The following SPIDR variants were observed in gnomAD, a reference collection of about 807,000 sequenced individuals.
SPIDR encodes DNA repair-scaffolding protein.
SPIDR carries 93 observed loss-of-function variants against 104.6 expected under a neutral mutation model. The observed-to-expected ratio is 0.89, with a 90% CI of 0.75 to 1.06. The LOEUF (loss-of-function observed/expected upper bound fraction) is 1.06, where lower values mean the gene tolerates loss of function less well. SPIDR is among the 50% of genes least tolerant of loss of function. SPIDR has a pLI of 0.00. For missense variants in SPIDR, 1,154 were observed against 1,111.2 expected (o/e 1.04, Z -0.55); for synonymous variants, 431 against 416.9 (o/e 1.03, Z -0.41).
chr8:47,429,368 C>T (rs782792075), intron 7 of SPIDR, among the ~76,000 whole-genome samples: 4 of 152,296 alleles, frequency 2.6e-5, no homozygotes, highest in Non-Finnish European at 5.9e-5. Flanking sequence ...GGCCCCCCAC[C>T]TCCGTGTGCA....
At chr8:47,385,564 C>G (rs2059794247) in intron 5 of SPIDR, among the ~76,000 whole-genome samples, 1 of 152,220 alleles carries the variant, frequency 6.6e-6, no homozygotes, top group African/African-American at 2.4e-5. Context: ...TCTCCCAGCA[C>G]AGTCACAGGA....
intron 10 of SPIDR, among the ~76,000 whole-genome samples, chr8:47,621,779 G>C (rs1291700061): frequency 6.6e-6 from 1 of 152,198 alleles, no homozygotes; most frequent in African/African-American, 2.4e-5. Flanking sequence ...TTCAATACCA[G>C]TCTGGCCAAC....
At chr8:47,661,684 C>T (rs1451127732) in intron 10 of SPIDR, among the ~76,000 whole-genome samples, 1 of 152,332 alleles carries the variant, frequency 6.6e-6, no homozygotes, top group Non-Finnish European at 1.5e-5. Flanking sequence ...AGCGTCTGCT[C>T]CTCAACTTGG....
At chr8:47,430,992 A>G (rs1554688824) in intron 7 of SPIDR, among the ~76,000 whole-genome samples, 2 of 152,180 alleles carry the variant, frequency 1.3e-5, no homozygotes, top group Admixed American at 6.5e-5. Context: ...GCGGTCCTGT[A>G]TGTATCGCAT....
At chr8:47,321,347 G>T (rs2046536404) in intron 5 of SPIDR, among the ~76,000 whole-genome samples, 1 of 152,136 alleles carries the variant, frequency 6.6e-6, no homozygotes, top group Non-Finnish European at 1.5e-5. Flanking sequence ...ATTCACAATT[G>T]CTTCAAAGAG....
intron 7 of SPIDR, among the ~76,000 whole-genome samples, chr8:47,418,739 G>A (rs1171527974): frequency 1.3e-5 from 2 of 152,156 alleles, no homozygotes; most frequent in Non-Finnish European, 2.9e-5. Flanking sequence ...CATTCAGCAC[G>A]ATACTGGCTG....
In SPIDR at chr8:47,403,708, C is replaced by A. The variant is rs545358587; in HGVS notation, c.777-4153C>A. 2.6e-5 allele frequency among the ~76,000 whole-genome samples: 4 copies of A among 152,146 alleles called. No individual in the cohort carries two copies. The East Asian group carries it at 7.7e-4, about 29-fold the overall frequency. On this transcript the variant is annotated intron_variant, in intron 6 of 19. Transcript: ENST00000297423. Reference sequence around the variant, plus strand: ...CTCCTCAACGAAATAAAAGAGGAAACAAATAAATGGAAGAACATTTCATGC... The same window carrying A: ...CTCCTCAACGAAATAAAAGAGGAAAAAAATAAATGGAAGAACATTTCATGC...
chr8:47,576,136 ATTTATTTATTTTTAT>A (rs2059104048), intron 8 of SPIDR, among the ~76,000 whole-genome samples: 1 of 151,064 alleles, frequency 6.6e-6, no homozygotes, highest in Non-Finnish European at 1.5e-5. Context: ...CTTTTTTATT[ATTTATTTATTTTTAT>A]TTTATTTATT....
At chr8:47,527,665 T>C (rs2085241248) in intron 8 of SPIDR, 1 of 152,238 alleles carries the variant, frequency 6.6e-6, no homozygotes, top group African/African-American at 2.4e-5. Flanking sequence ...TCTGTAGGTG[T>C]TGGCCTTGGC....
At chr8:47,555,013 T>C (rs958035260) in intron 8 of SPIDR, among the ~76,000 whole-genome samples, 1 of 152,216 alleles carries the variant, frequency 6.6e-6, no homozygotes, top group Non-Finnish European at 1.5e-5. Flanking sequence ...TAGCAAATTT[T>C]TTTTCCTAAA....
intron 8 of SPIDR, among the ~76,000 whole-genome samples, chr8:47,559,667 C>G (rs1330829585): frequency 1.3e-5 from 2 of 152,176 alleles, no homozygotes; most frequent in Admixed American, 1.3e-4. Context: ...TCCCCTATGC[C>G]TGTTGGAGTG....
At chr8:47,547,426 TA>T (rs1363982166) in intron 8 of SPIDR, 1 of 245,820 alleles carries the variant, frequency 4.1e-6, no homozygotes, top group Non-Finnish European at 8.2e-6. Context: ...TGTATATTTT[TA>T]ATTTATTTAT....
intron 7 of SPIDR, among the ~76,000 whole-genome samples, chr8:47,410,476 C>T (rs1385749726): frequency 1.2e-4 from 18 of 152,050 alleles, no homozygotes; most frequent in Non-Finnish European, 8.8e-5. Flanking sequence ...CCATCATGCC[C>T]AGTCACTTTT....
chr8:47,357,336 C>T (rs2054753988), intron 5 of SPIDR, among the ~76,000 whole-genome samples: 2 of 152,166 alleles, frequency 1.3e-5, no homozygotes, highest in African/African-American at 2.4e-5. Flanking sequence ...CCGACACCCA[C>T]GCCATAACTA....
At chr8:47,562,793 C>T (rs1317844621) in intron 8 of SPIDR, among the ~76,000 whole-genome samples, 2 of 152,188 alleles carry the variant, frequency 1.3e-5, no homozygotes, top group East Asian at 1.9e-4. Flanking sequence ...GAGACTTATT[C>T]CTACTCCTGT....
Position 47,713,536 on chromosome 8 carries a change from C to CT in SPIDR, c.2240dup (p.Leu747PhefsTer11). The CT allele has an allele frequency of 6.2e-7, 1 of 1,614,178 alleles. No individual in the cohort carries two copies. Among genetic ancestry groups the CT allele is most frequent in the Non-Finnish European group, 8.5e-7 (1 of 1,180,020 alleles). On this transcript the variant is annotated frameshift_variant, in exon 16 of 20. Coordinates refer to ENST00000297423, the MANE Select transcript of SPIDR (RefSeq NM_001080394.4). LOFTEE classifies it high-confidence loss of function. ...AACTGTCCTCTTGCTTCAGAAGCCC[C>CT]TTTTGAGTGTGGTCTCTGGTGCAAG... is the stretch of plus-strand genomic sequence containing the variant.
At chr8:47,448,646 G>A (rs1337683580) in intron 8 of SPIDR, among the ~76,000 whole-genome samples, 1 of 152,094 alleles carries the variant, frequency 6.6e-6, no homozygotes, top group Non-Finnish European at 1.5e-5. Flanking sequence ...GGTTATGTAT[G>A]TGAGAGTATG....
chr8:47,330,318 A>G (rs1346218927), intron 5 of SPIDR, among the ~76,000 whole-genome samples: 1 of 152,152 alleles, frequency 6.6e-6, no homozygotes, highest in Non-Finnish European at 1.5e-5. Flanking sequence ...ATCCCCCACC[A>G]GAATGGTATA....
At chr8:47,444,864 C>A (rs901736992) in intron 8 of SPIDR, among the ~76,000 whole-genome samples, 13 of 152,272 alleles carry the variant, frequency 8.5e-5, no homozygotes, top group African/African-American at 3.1e-4. Flanking sequence ...TTTCCATATT[C>A]TCAGGATGTG....
Sources: allele counts gnomAD v4.1 joint callset (sites outside exome capture counted in the v4.1 genomes callset), GRCh38; gene constraint gnomAD v4.1.1; transcripts MANE v1.5; gene names NCBI Gene and HGNC (gene_info 2026-07-23, HGNC 2026-07-21).